TXLNA: variants seen among roughly 807,000 people sequenced by gnomAD.
The protein encoded by TXLNA is alpha-taxilin.
In TXLNA, 9 loss-of-function variants were observed where a neutral mutation model predicts 61.4. The ratio of observed to expected loss-of-function variants is 0.15; its 90% CI spans 0.09 to 0.26. TXLNA has a LOEUF of 0.26. TXLNA is among the 10% of genes least tolerant of loss of function. The pLI is 1.00. For missense variants in TXLNA, 565 were observed against 688.8 expected (o/e 0.82, Z 2.01); for synonymous variants, 257 against 267.7 (o/e 0.96, Z 0.39).
Position 32,194,915 on chromosome 1 carries a change from A to G in TXLNA, c.1361A>G (p.Asp454Gly). The G allele has an allele frequency of 6.2e-7, 1 of 1,611,534 alleles. No individual in the cohort carries two copies. The change falls in exon 11 of 11, where the codon GAT becomes GGT. Residue 454 changes from aspartate (D) to glycine (G), a missense_variant. Physicochemically the swap from Asp to Gly is moderately conservative, Grantham distance 94. Around this residue, in one of 2 missense-constraint regions of TXLNA, gnomAD observed 373 missense variants for 504.0 expected, o/e 0.74. Coordinates refer to ENST00000373610, the MANE Select transcript of TXLNA (RefSeq NM_175852.4). ...TTCTTTCCCTAGAAAACAGTCCGGG[A>G]TAAAGAACTGGAGGGCCTGCAGGTA... The part of the protein sequence containing the change: ...LEMAEEKTVR[D>G]KELEGLQVKI...
rs894565917 is a variant in TXLNA at position 32,196,808 on chromosome 1, A to C, written c.*1613A>C. The C allele has an allele frequency of 3.9e-5, 6 of 152,244 alleles. No individual in the cohort carries two copies. The highest frequency in any genetic ancestry group is 1.4e-4 in the African/African-American group (6 of 41,458). The allele number at this position is 152,244 out of a possible 1,614,324, so 9.4% of individuals were successfully genotyped here. A position where few individuals can be genotyped will look rare whatever the true frequency, so the allele number is the denominator to read the frequency against. ...GCCCTTACCTTAAATCTCTCAGATA[A>C]GTTGGTTCACAAAGAATGTTAAGTA... is the stretch of plus-strand genomic sequence containing the variant. On this transcript the variant is annotated 3_prime_UTR_variant, in exon 11 of 11. Coordinates refer to ENST00000373610, the MANE Select transcript of TXLNA (RefSeq NM_175852.4).
chr1:32,180,631 G>C, intron 2 of TXLNA, 117 bp downstream of exon 2: 3 of 1,342,182 alleles, frequency 2.2e-6, no homozygotes, highest in Non-Finnish European at 3.0e-6. Context: ...AGAATGAGAG[G>C]ACAGTGCTGG....
At chr1:32,180,649 G>A in intron 2 of TXLNA, 135 bp downstream of exon 2, 1 of 1,170,020 alleles carries the variant, frequency 8.5e-7, no homozygotes, top group South Asian at 1.6e-5. Context: ...TGGGGGCCGC[G>A]GTCCCCCCTG....
In TXLNA at chr1:32,197,920, CCCT is replaced by C. The variant is rs1176322049; in HGVS notation, c.*2731_*2733del. On this transcript the variant is annotated 3_prime_UTR_variant, in exon 11 of 11. Coordinates refer to ENST00000373610, the MANE Select transcript of TXLNA (RefSeq NM_175852.4). This position sits in a 1 kb window ranked among gnomAD's most constrained non-coding sequence, Gnocchi z 4.6. The stretch of plus-strand genomic sequence containing the variant: ...TATTTCTGTAAAGATGGTTATTTAA[CCCT>C]CCTCCACCCCATCACGGTGGCCCTG... The C allele has an allele frequency of 3.3e-5, 5 of 152,272 alleles. No individual in the cohort carries two copies. The highest frequency in any genetic ancestry group is 9.6e-5 in the African/African-American group (4 of 41,452). 9.4% of individuals were successfully genotyped at this position (152,272 alleles called of 1,614,324 possible). A position where few individuals can be genotyped will look rare whatever the true frequency, so the allele number is the denominator to read the frequency against.
At position 32,195,332 on chromosome 1, in the gene TXLNA, TG is replaced by T. The variant is rs1642996124; in HGVS notation, c.*139del. The T allele has an allele frequency of 1.0e-6, 1 of 997,506 alleles. No individual in the cohort carries two copies. The highest frequency in any genetic ancestry group is 1.6e-5 in the African/African-American group (1 of 61,058). The allele number at this position is 997,506 out of a possible 1,614,324, so 61.8% of individuals were successfully genotyped here. On this transcript the variant is annotated 3_prime_UTR_variant, in exon 11 of 11. Transcript: ENST00000373610. ...GGCTGGCATCTGGCACTTGCAATTTTGGATTTTGTGGGTCAGTTTTACGTAC... is the reference window on the plus strand; with the variant it reads ...GGCTGGCATCTGGCACTTGCAATTTTGATTTTGTGGGTCAGTTTTACGTAC...
intron 6 of TXLNA, among the ~76,000 whole-genome samples, chr1:32,191,239 C>T (rs867320362): frequency 1.3e-5 from 2 of 152,142 alleles, no homozygotes; most frequent in African/African-American, 4.8e-5. Context: ...GACCTGCAGC[C>T]CCCTTACAGG....
Position 32,192,790 on chromosome 1 carries a change from G to C in TXLNA, c.1158+59G>C. On this transcript the variant is annotated intron_variant, in intron 8 of 10. Transcript: ENST00000373610. This position sits in a 1 kb window ranked among gnomAD's most constrained non-coding sequence, Gnocchi z 4.2. The stretch of plus-strand genomic sequence containing the variant: ...GTTTCCCTCACTGGGCCCCATCCTG[G>C]GGGTAGTGAAATGGGACCCTCATTC... 1.3e-6 allele frequency: 2 copies of C among 1,575,648 alleles called. No individual in the cohort carries two copies. The highest frequency in any genetic ancestry group is 1.7e-6 in the Non-Finnish European group (2 of 1,145,886).
At chr1:32,194,193 G>C (rs777251581) in intron 10 of TXLNA, 33 bp downstream of exon 10, 1 of 1,579,698 alleles carries the variant, frequency 6.3e-7, no homozygotes. Context: ...CCAGGGTGGG[G>C]GTGTGCACTT....
Position 32,195,270 on chromosome 1 carries a change from T to C in TXLNA, c.*75T>C. The C allele has an allele frequency of 6.8e-7, 1 of 1,464,566 alleles. No individual in the cohort carries two copies. Among genetic ancestry groups the C allele is most frequent in the Non-Finnish European group, 9.1e-7 (1 of 1,098,674 alleles). The allele number at this position is 1,464,566 out of a possible 1,614,324, so 90.7% of individuals were successfully genotyped here. ...CCTGGCCCATAAAAGGCTCCCATGC[T>C]GAGCAGCCCATTGCTGAAGCCAGGA... On this transcript the variant is annotated 3_prime_UTR_variant, in exon 11 of 11. Transcript: ENST00000373610.
chr1:32,195,100 C>G lies in TXLNA; in HGVS notation c.1546C>G (p.Pro516Ala). The G allele has an allele frequency of 6.2e-7, 1 of 1,614,124 alleles. No individual in the cohort carries two copies. The highest frequency in any genetic ancestry group is 8.5e-7 in the Non-Finnish European group (1 of 1,180,000). The change falls in exon 11 of 11, where the codon CCC becomes GCC. Residue 516 changes from proline to alanine, a missense_variant. Coordinates refer to ENST00000373610, the MANE Select transcript of TXLNA (RefSeq NM_175852.4). ...EGPGAQAPSS[P>A]RVTEAPCYPG... ...GCCTGGGGCTCAAGCACCCAGCTCC[C>G]CCAGGGTCACAGAAGCGCCTTGCTA...
rs374341751 is a variant in TXLNA, at chr1:32,188,058, C to T, written c.702C>T (p.Ala234=). ...ACCTGCGCGGTGAGCACAGCAAGGC[C>T]GTCCTGGCCCGCAGCAAGCTTGAGA... ...KDHLRGEHSK[A]VLARSKLESL... The change falls in exon 5 of 11, where the codon GCC becomes GCT. Residue 234 remains alanine, a synonymous_variant. Coordinates refer to ENST00000373610, the MANE Select transcript of TXLNA (RefSeq NM_175852.4). 5.5e-5 allele frequency: 88 copies of T among 1,597,290 alleles called. No individual in the cohort carries two copies. The African/African-American group carries it at 6.5e-4, about 12-fold the overall frequency.
intron 3 of TXLNA, among the ~76,000 whole-genome samples, chr1:32,181,971 C>G (rs1217874838): frequency 6.6e-6 from 1 of 152,088 alleles, no homozygotes; most frequent in Non-Finnish European, 1.5e-5. Context: ...AGTTGAAAAC[C>G]CAAATATCTG....
intron 5 of TXLNA, among the ~76,000 whole-genome samples, chr1:32,189,830 C>T (rs778550795): frequency 2.0e-5 from 3 of 152,016 alleles, no homozygotes; most frequent in African/African-American, 7.3e-5. Flanking sequence ...CGTGAGCCAC[C>T]GCGCCTGCCA....
chr1:32,190,152 A>C lies in TXLNA; in HGVS notation c.866A>C (p.Glu289Ala). The change falls in exon 6 of 11, where the codon GAA (glutamate) becomes GCA (alanine). Residue 289 changes from glutamate to alanine, a missense_variant. Glu to Ala is a moderately radical substitution (Grantham distance 107). Transcript: ENST00000373610. ...VTLNDIQLQM[E>A]QHNERNSKLR... ...CTGAATGACATTCAGCTGCAGATGG[A>C]ACAGCACAATGAGCGCAACTCCAAG... The C allele has an allele frequency of 6.3e-7, 1 of 1,599,678 alleles. No homozygotes were observed. The highest frequency in any genetic ancestry group is 8.5e-7 in the Non-Finnish European group (1 of 1,172,986).
Position 32,192,621 on chromosome 1 carries a change from C to T in TXLNA, c.1084-36C>T. The T allele has an allele frequency of 1.2e-6, 2 of 1,613,098 alleles. No homozygotes were observed. Among genetic ancestry groups the T allele is most frequent in the South Asian group, 1.1e-5 (1 of 91,044 alleles). ...AAAAACCAAACATAGCCCCTGGGGG[C>T]TTCTGACAGGATCTGGGGTTCTGTC... is the stretch of plus-strand genomic sequence containing the variant. On this transcript the variant is annotated intron_variant, in intron 7 of 10. Transcript: ENST00000373610. The surrounding 1 kb of genome is among the most constrained non-coding windows in gnomAD (Gnocchi z 4.2).
At chr1:32,183,980 G>C (rs1044445131) in intron 3 of TXLNA, among the ~76,000 whole-genome samples, 1 of 152,016 alleles carries the variant, frequency 6.6e-6, no homozygotes, top group Admixed American at 6.5e-5. Context: ...CTCGTGATCC[G>C]CCTGCCTCGG....
chr1:32,188,105 G>T lies in TXLNA; in HGVS notation c.749G>T (p.Arg250Leu). ...GAGAGCCTATGCCGTGAGCTGCAGC[G>T]GCACAACCGCTCCCTCAAGGTAGGC... ...KLESLCRELQ[R>L]HNRSLKEEGV... The change falls in exon 5 of 11, where the codon CGG (arginine) becomes CTG (leucine). Residue 250 changes from arginine (R) to leucine (L), a missense_variant. Around this residue, in one of 2 missense-constraint regions of TXLNA, gnomAD observed 373 missense variants for 504.0 expected, o/e 0.74. Coordinates refer to ENST00000373610, the MANE Select transcript of TXLNA (RefSeq NM_175852.4). 1 of 1,566,546 alleles carries T rather than the reference G, an allele frequency of 6.4e-7. No homozygotes were observed. The highest frequency in any genetic ancestry group is 1.9e-5 in the Admixed American group (1 of 52,562).
At chr1:32,179,850 A>T (rs12725512) in intron 1 of TXLNA, 74 bp downstream of exon 1, 1 of 152,230 alleles carries the variant, frequency 6.6e-6, no homozygotes, top group Non-Finnish European at 1.5e-5. Flanking sequence ...CCTGTGGGGA[A>T]ATCACGCCAA....
chr1:32,181,694 A>G, intron 3 of TXLNA, 117 bp downstream of exon 3: 1 of 1,014,706 alleles, frequency 9.9e-7, no homozygotes, highest in Non-Finnish European at 1.4e-6. Context: ...TCAGAGCAGC[A>G]AGTCACTCTA....
Sources: gnomAD v4.1 joint callset for allele counts (sites outside exome capture counted in the v4.1 genomes callset) on GRCh38, gnomAD v4.1.1 for gene constraint, gnomAD v4.1.1 regional missense constraint, Gnocchi (gnomAD v3.1) non-coding constraint, MANE v1.5 for transcripts, NCBI Gene and HGNC (gene_info 2026-07-23, HGNC 2026-07-21) for gene names.